NHSL1: variants seen among roughly 807,000 people sequenced by gnomAD.
NHSL1 encodes the protein NHS-like protein 1.
A neutral mutation model predicts 95.0 loss-of-function variants in NHSL1; 48 were observed. The observed-to-expected ratio is 0.51, with a 90% CI of 0.40 to 0.64. The LOEUF (loss-of-function observed/expected upper bound fraction) is 0.64, where lower values mean the gene tolerates loss of function less well. NHSL1 is among the 30% of genes least tolerant of loss of function. NHSL1 has a pLI of 0.00. For synonymous variants in NHSL1, 783 were observed against 833.9 expected (o/e 0.94, Z 1.05); for missense variants, 1,971 against 2,077.7 (o/e 0.95, Z 1.00).
intron 1 of NHSL1, among the ~76,000 whole-genome samples, chr6:138,583,767 G>A (rs572844970): frequency 1.3e-5 from 2 of 152,056 alleles, no homozygotes; most frequent in Non-Finnish European, 2.9e-5. Flanking sequence ...AATCTAATCT[G>A]GCTTGATTAG....
At chr6:138,513,701 C>T (rs1373884392) in intron 1 of NHSL1, among the ~76,000 whole-genome samples, 1 of 152,148 alleles carries the variant, frequency 6.6e-6, no homozygotes, top group African/African-American at 2.4e-5. Flanking sequence ...CATCATCCTT[C>T]GGGTCTCAGA....
chr6:138,480,375 T>C (rs925184448), intron 2 of NHSL1, among the ~76,000 whole-genome samples: 2 of 152,252 alleles, frequency 1.3e-5, no homozygotes, highest in Non-Finnish European at 2.9e-5. Flanking sequence ...TATGGAGGGC[T>C]GACTGTATTG....
In NHSL1 at chr6:138,520,175, T is replaced by C. The variant is rs140845248; in HGVS notation, c.17-23804A>G. On this transcript the variant is annotated intron_variant, in intron 1 of 4. Transcript: ENST00000342260. ...AATATAAATCTACACAGTCTTGGCA[T>C]ATAAAATCATACCAAAATAAATATC... 5.0e-3 allele frequency among the ~76,000 whole-genome samples: 753 copies of C among 151,320 alleles called. 6 individuals are homozygous for C. The highest frequency in any genetic ancestry group is 0.017 in the African/African-American group (698 of 41,298).
At chr6:138,440,713 G>A (rs1220669709) in intron 5 of NHSL1, among the ~76,000 whole-genome samples, 3 of 152,228 alleles carry the variant, frequency 2.0e-5, no homozygotes, top group African/African-American at 4.8e-5. Context: ...CATTCAATCA[G>A]GGATGTTTGG....
At chr6:138,660,624 G>C (rs1785213850) in intron 1 of NHSL1, among the ~76,000 whole-genome samples, 1 of 149,562 alleles carries the variant, frequency 6.7e-6, no homozygotes, top group Non-Finnish European at 1.5e-5. Flanking sequence ...CTGGGCAACA[G>C]AGCAAGACTC....
At chr6:138,675,389 C>G (rs1351296610) in intron 1 of NHSL1, among the ~76,000 whole-genome samples, 1 of 152,128 alleles carries the variant, frequency 6.6e-6, no homozygotes, top group Non-Finnish European at 1.5e-5. Context: ...CAAGTGGAGG[C>G]CTGACCCAAA....
intron 3 of NHSL1, 93 bp from the exon 4 acceptor site, chr6:138,447,286 G>C (rs1317622871): frequency 7.2e-6 from 8 of 1,109,112 alleles, no homozygotes; most frequent in Non-Finnish European, 1.0e-5. Context: ...AATTGGACTG[G>C]TTTAAAAGAA....
At chr6:138,568,778 G>A (rs181929249) in intron 1 of NHSL1, among the ~76,000 whole-genome samples, 158 of 152,156 alleles carry the variant, frequency 1.0e-3, no homozygotes, top group African/African-American at 3.0e-3. Context: ...GCTTCTAATC[G>A]TATAAAAAGA....
intron 1 of NHSL1, among the ~76,000 whole-genome samples, chr6:138,527,993 T>G (rs541075423): frequency 6.6e-6 from 1 of 152,340 alleles, no homozygotes; most frequent in South Asian, 2.1e-4. Context: ...ACTTTTCTTT[T>G]CATTTATGCT....
At chr6:138,479,140 T>A (rs1351355122) in intron 2 of NHSL1, among the ~76,000 whole-genome samples, 1 of 152,186 alleles carries the variant, frequency 6.6e-6, no homozygotes, top group Non-Finnish European at 1.5e-5. Flanking sequence ...CTATGTTTTT[T>A]TCCTAGACAT....
chr6:138,662,836 C>T (rs1441272184), intron 1 of NHSL1, among the ~76,000 whole-genome samples: 1 of 151,732 alleles, frequency 6.6e-6, no homozygotes, highest in African/African-American at 2.4e-5. Flanking sequence ...AGTCATGTAC[C>T]TATACCTGTT....
chr6:138,595,157 A>G (rs888337433), intron 1 of NHSL1, among the ~76,000 whole-genome samples: 5 of 152,244 alleles, frequency 3.3e-5, no homozygotes, highest in Non-Finnish European at 7.3e-5. Context: ...GAAGATAAAA[A>G]GTGATTTTTT....
At chr6:138,557,146 T>C (rs911397274) in intron 1 of NHSL1, among the ~76,000 whole-genome samples, 1 of 152,226 alleles carries the variant, frequency 6.6e-6, no homozygotes, top group Non-Finnish European at 1.5e-5. Context: ...CACCGGTCCA[T>C]GATGTTAACA....
rs1274400361 is a variant in NHSL1, at chr6:138,431,227, T to C, written c.3118A>G (p.Asn1040Asp). The C allele has an allele frequency of 6.6e-7, 1 of 1,525,174 alleles. No individual in the cohort carries two copies. Among genetic ancestry groups the C allele is most frequent in the Admixed American group, 2.1e-5 (1 of 47,976 alleles). 94.5% of individuals were successfully genotyped at this position (1,525,174 alleles called of 1,614,324 possible). A position where few individuals can be genotyped will look rare whatever the true frequency, so the allele number is the denominator to read the frequency against. The change falls in exon 6 of 8, where the codon AAT becomes GAT. Residue 1040 changes from asparagine (N) to aspartate (D), a missense_variant. Physicochemically the swap from Asn to Asp is conservative, Grantham distance 23. Transcript: ENST00000343505. The surrounding 1 kb of genome is among the most constrained non-coding windows in gnomAD (Gnocchi z 4.0). ...FMKDTRPPFT[N>D]SGQPESSRGS... Reference sequence around the variant, plus strand: ...CGGGAGGATTCTGGCTGGCCAGAATTTGTGAAAGGCGGCCTGGTGTCTTTC... The same window carrying C: ...CGGGAGGATTCTGGCTGGCCAGAATCTGTGAAAGGCGGCCTGGTGTCTTTC...
intron 3 of NHSL1, among the ~76,000 whole-genome samples, chr6:138,449,633 C>T (rs1012179437): frequency 4.6e-5 from 7 of 151,478 alleles, no homozygotes; most frequent in Non-Finnish European, 8.8e-5. Flanking sequence ...GCTGAGGTTG[C>T]GCCACTGCAC....
chr6:138,615,829 T>C (rs1182336111), intron 1 of NHSL1, among the ~76,000 whole-genome samples: 1 of 152,176 alleles, frequency 6.6e-6, no homozygotes. Flanking sequence ...TCCAAACGGA[T>C]ACCAACTGAA....
chr6:138,544,829 T>C (rs558801425), intron 1 of NHSL1, among the ~76,000 whole-genome samples: 3 of 151,664 alleles, frequency 2.0e-5, no homozygotes, highest in Non-Finnish European at 2.9e-5. Flanking sequence ...GGAAGAAAAA[T>C]AGAGTTGACG....
At chr6:138,546,448 A>AAAAAAAAAAAAC (rs1562362749), upstream of NHSL1, among the ~76,000 whole-genome samples, 95 of 142,070 alleles carry the variant, frequency 6.7e-4, 1 homozygote, top group African/African-American at 2.7e-3. Flanking sequence ...AAAAAAAAAA[A>AAAAAAAAAAAAC]AAAAAAAAAA....
At chr6:138,458,321 CTT>C (rs369571915) in intron 3 of NHSL1, among the ~76,000 whole-genome samples, 160 of 152,334 alleles carry the variant, frequency 1.1e-3, no homozygotes, top group African/African-American at 3.7e-3. Context: ...TTACTGCTCT[CTT>C]GTTTTACAGC....
Sources: allele counts gnomAD v4.1 joint callset (sites outside exome capture counted in the v4.1 genomes callset), GRCh38; gene constraint gnomAD v4.1.1; non-coding constraint Gnocchi (gnomAD v3.1); transcripts MANE v1.5; gene names NCBI Gene and HGNC (gene_info 2026-07-23, HGNC 2026-07-21).